The following TECRL variants were observed in gnomAD, a reference collection of about 807,000 sequenced individuals.
TECRL encodes the protein trans-2,3-enoyl-CoA reductase-like.
TECRL carries 63 observed loss-of-function variants against 52.8 expected under a neutral mutation model. The ratio of observed to expected loss-of-function variants is 1.19; its 90% CI spans 0.97 to 1.47. The LOEUF (loss-of-function observed/expected upper bound fraction) is 1.47. TECRL is among the 40% of genes most tolerant of loss of function. The pLI, the probability that TECRL is intolerant of heterozygous loss-of-function variation, is 0.00. For synonymous variants in TECRL, 164 were observed against 141.9 expected, an observed-to-expected ratio of 1.16 and a Z score of -1.10; for missense variants, 482 against 429.6, an observed-to-expected ratio of 1.12 and a Z score of -1.08.
At chr4:64,379,101 A>T (rs1167727763) in intron 1 of TECRL, among the ~76,000 whole-genome samples, 6 of 152,048 alleles carry the variant, frequency 3.9e-5, no homozygotes, top group Admixed American at 3.9e-4. Context: ...TGATTTTGTC[A>T]AAGTATTTAC....
At chr4:64,285,254 A>T (rs907300692) in intron 9 of TECRL, among the ~76,000 whole-genome samples, 31 of 152,108 alleles carry the variant, frequency 2.0e-4, no homozygotes, top group African/African-American at 7.5e-4. Context: ...GTCTCCAGTC[A>T]TTCCAACTCT....
rs760320923 is a variant in TECRL at position 64,279,663 on chromosome 4, T to C, written c.*409A>G. On this transcript the variant is annotated 3_prime_UTR_variant, in exon 12 of 12. Coordinates refer to ENST00000381210, the MANE Select transcript of TECRL (RefSeq NM_001010874.5). ...TTTGCATTTCTGTATGAATAGTTAA[T>C]GTTGAGCATTTTAAAAATATACTTA... The C allele has an allele frequency of 2.8e-4, 122 of 430,312 alleles. No homozygotes were observed. The highest frequency in any genetic ancestry group is 3.5e-4 in the Non-Finnish European group (114 of 322,810). The allele number at this position is 430,312 out of a possible 1,614,324, so 26.7% of individuals were successfully genotyped here.
At chr4:64,338,746 C>G (rs1475777617) in intron 2 of TECRL, among the ~76,000 whole-genome samples, 1 of 152,130 alleles carries the variant, frequency 6.6e-6, no homozygotes, top group Non-Finnish European at 1.5e-5. Flanking sequence ...TCATCTCACA[C>G]CAGTTAGAAT....
intron 4 of TECRL, 103 bp from the exon 5 acceptor site, chr4:64,314,866 T>A: frequency 1.2e-6 from 1 of 803,824 alleles, no homozygotes; most frequent in Non-Finnish European, 2.1e-6. Context: ...GTGAAACAGG[T>A]AGATTTTTTG....
intron 6 of TECRL, among the ~76,000 whole-genome samples, chr4:64,307,643 C>T (rs1043799774): frequency 6.6e-6 from 1 of 152,150 alleles, no homozygotes. Context: ...CACTGGGACT[C>T]CTTTTACCCT....
At chr4:64,400,643 C>T (rs2109778799) in intron 1 of TECRL, among the ~76,000 whole-genome samples, 1 of 152,128 alleles carries the variant, frequency 6.6e-6, no homozygotes, top group African/African-American at 2.4e-5. Flanking sequence ...TGGTTTAGTA[C>T]CATTCTCTTG....
chr4:64,374,686 T>A (rs895313759), intron 2 of TECRL, among the ~76,000 whole-genome samples: 1 of 152,064 alleles, frequency 6.6e-6, no homozygotes, highest in African/African-American at 2.4e-5. Context: ...CTTGCAATAG[T>A]TTGCTGAGAA....
rs1720304233 is a variant in TECRL at position 64,350,475 on chromosome 4, G to A, written c.287-21919C>T. 1.3e-5 allele frequency among the ~76,000 whole-genome samples: 2 copies of A among 152,250 alleles called. 1 individual carries two copies. The highest frequency in any genetic ancestry group is 4.2e-4 in the South Asian group (2 of 4,814). Reference sequence around the variant, plus strand: ...TATTTGGTCAAACATGATTCTGGATGTTTCTATGAAGGTGTTTTTTGAATG... The same window carrying A: ...TATTTGGTCAAACATGATTCTGGATATTTCTATGAAGGTGTTTTTTGAATG... On this transcript the variant is annotated intron_variant, in intron 2 of 11. Transcript: ENST00000381210.
At chr4:64,291,108 A>G (rs1298373853) in intron 8 of TECRL, among the ~76,000 whole-genome samples, 1 of 152,090 alleles carries the variant, frequency 6.6e-6, no homozygotes, top group Non-Finnish European at 1.5e-5. Flanking sequence ...TTTACTATGT[A>G]TGAGAGATTT....
intron 8 of TECRL, among the ~76,000 whole-genome samples, chr4:64,298,228 G>A (rs1012719873): frequency 6.6e-6 from 1 of 151,142 alleles, no homozygotes; most frequent in Non-Finnish European, 1.5e-5. Context: ...TGCAATTAAA[G>A]TTATCACATT....
chr4:64,409,015 T>C, intron 1 of TECRL, 103 bp downstream of exon 1: 2 of 1,066,194 alleles, frequency 1.9e-6, no homozygotes, highest in East Asian at 5.2e-5. Context: ...CAGAAATGTA[T>C]TTCAGAACAG....
intron 2 of TECRL, among the ~76,000 whole-genome samples, chr4:64,373,343 C>T (rs1383500872): frequency 6.6e-6 from 1 of 151,594 alleles, no homozygotes; most frequent in Non-Finnish European, 1.5e-5. Context: ...AATTCTTGCC[C>T]TGATATAACT....
At chr4:64,381,017 TTCTAATCCATTAGCA>T (rs1466370644) in intron 1 of TECRL, among the ~76,000 whole-genome samples, 2 of 152,114 alleles carry the variant, frequency 1.3e-5, no homozygotes, top group African/African-American at 4.8e-5. Context: ...ATATTAATTC[TTCTAATCCATTAGCA>T]TCAGATGTCT....
intron 2 of TECRL, among the ~76,000 whole-genome samples, chr4:64,346,039 C>T (rs1719959349): frequency 6.7e-6 from 1 of 150,092 alleles, no homozygotes; most frequent in Admixed American, 6.7e-5. Context: ...CACACACAAA[C>T]ACACACAGGC....
chr4:64,305,113 G>C (rs1724251811), intron 7 of TECRL, 53 bp downstream of exon 7: 1 of 1,323,474 alleles, frequency 7.6e-7, no homozygotes, highest in South Asian at 1.4e-5. Context: ...TTAGAATAGA[G>C]TTTTTAGGTT....
chr4:64,397,474 C>A (rs1053880261), intron 1 of TECRL, among the ~76,000 whole-genome samples: 1 of 151,262 alleles, frequency 6.6e-6, no homozygotes, highest in Admixed American at 6.6e-5. Flanking sequence ...TGGGAGGTGG[C>A]GCCTTTGTGA....
intron 2 of TECRL, among the ~76,000 whole-genome samples, chr4:64,365,818 A>G (rs944721657): frequency 2.6e-5 from 4 of 152,142 alleles, no homozygotes; most frequent in Non-Finnish European, 4.4e-5. Flanking sequence ...AGCGATGTAC[A>G]GACTCAATGT....
chr4:64,366,730 G>C (rs74611741), intron 2 of TECRL, among the ~76,000 whole-genome samples: 1,637 of 152,202 alleles, frequency 0.011, 15 homozygotes, highest in Non-Finnish European at 0.015. Context: ...AATGGCTATT[G>C]TTAAAAAGTC....
downstream of TECRL, chr4:64,277,166 G>A (rs140906973): frequency 8.8e-4 from 575 of 651,300 alleles, 5 homozygotes; most frequent in African/African-American, 9.5e-3. Context: ...AAAGTATGAT[G>A]GAGCAACTGG....
Sources: gnomAD v4.1 joint callset for allele counts (sites outside exome capture counted in the v4.1 genomes callset) on GRCh38, gnomAD v4.1.1 for gene constraint, MANE v1.5 for transcripts, NCBI Gene and HGNC (gene_info 2026-07-23, HGNC 2026-07-21) for gene names.